RBFOX1: variants seen among roughly 807,000 people sequenced by gnomAD.
The protein encoded by RBFOX1 is RNA binding fox-1 homolog 1, also known as RNA binding protein fox-1 homolog 1.
RBFOX1 carries 8 observed loss-of-function variants against 57.7 expected under a neutral mutation model. The ratio of observed to expected loss-of-function variants is 0.14; its 90% CI spans 0.08 to 0.25. The LOEUF is 0.25. RBFOX1 is among the 10% of genes least tolerant of loss of function. The pLI is 1.00. For missense variants in RBFOX1, 611 were observed against 548.5 expected (o/e 1.11, Z -1.14); for synonymous variants, 326 against 222.4 (o/e 1.47, Z -4.15).
At chr16:6,846,935 G>A (rs568103939) in intron 3 of RBFOX1, among the ~76,000 whole-genome samples, 6 of 152,100 alleles carry the variant, frequency 3.9e-5, no homozygotes, top group Admixed American at 3.3e-4. Context: ...AAAAAAAGAG[G>A]TGATGGCTAC....
chr16:7,266,913 T>G (rs993365842), intron 4 of RBFOX1, among the ~76,000 whole-genome samples: 2 of 151,752 alleles, frequency 1.3e-5, no homozygotes, highest in African/African-American at 4.8e-5. Flanking sequence ...TCCTGGAGGT[T>G]GCTGGGGGGA....
chr16:5,243,830 G>A (rs1283216649), intron 1 of RBFOX1, among the ~76,000 whole-genome samples: 1 of 152,306 alleles, frequency 6.6e-6, no homozygotes, highest in East Asian at 1.9e-4. Context: ...CACTTTCATA[G>A]GAAGGTTATA....
At chr16:5,308,823 ATC>A in intron 1 of RBFOX1, among the ~76,000 whole-genome samples, 1 of 151,320 alleles carries the variant, frequency 6.6e-6, no homozygotes, top group Non-Finnish European at 1.5e-5. Context: ...TTTTCTGGAG[ATC>A]TCTCTCGCAG....
chr16:5,587,090 A>G (rs2046858407), intron 2 of RBFOX1, among the ~76,000 whole-genome samples: 1 of 152,180 alleles, frequency 6.6e-6, no homozygotes, highest in South Asian at 2.1e-4. Context: ...GACATGGCCC[A>G]TTGGTTATGC....
At chr16:6,348,783 C>T (rs1386316873) in intron 2 of RBFOX1, among the ~76,000 whole-genome samples, 1 of 152,090 alleles carries the variant, frequency 6.6e-6, no homozygotes, top group African/African-American at 2.4e-5. Flanking sequence ...GGATCCACAC[C>T]CTTGATCCCA....
Position 6,970,829 on chromosome 16 carries a change from T to C in RBFOX1, c.-15-81228T>C, listed in dbSNP as rs190127073. 3.3e-4 allele frequency among the ~76,000 whole-genome samples: 50 copies of C among 152,258 alleles called. No homozygotes were observed. The East Asian group carries it at 9.3e-3, about 28-fold the overall frequency. On this transcript the variant is annotated intron_variant, in intron 3 of 15. Transcript: ENST00000550418. The stretch of plus-strand genomic sequence containing the variant: ...AAGGAGACTGGCAAAAGTGACTACT[T>C]GGAATATTCAGCATCAATAGAAGAA...
At chr16:7,257,696 C>G (rs1480775171) in intron 4 of RBFOX1, among the ~76,000 whole-genome samples, 1 of 152,136 alleles carries the variant, frequency 6.6e-6, no homozygotes, top group East Asian at 1.9e-4. Context: ...TTCTTTGTGG[C>G]CAGGAAATCT....
intron 3 of RBFOX1, among the ~76,000 whole-genome samples, chr16:5,641,565 G>A (rs1183688646): frequency 6.6e-6 from 1 of 152,202 alleles, no homozygotes; most frequent in African/African-American, 2.4e-5. Flanking sequence ...GAGGCTGCAG[G>A]ATATACCATT....
At chr16:5,274,002 T>A (rs1218549391) in intron 1 of RBFOX1, among the ~76,000 whole-genome samples, 1 of 152,220 alleles carries the variant, frequency 6.6e-6, no homozygotes, top group Non-Finnish European at 1.5e-5. Flanking sequence ...CCGGGTGTGC[T>A]GGAGGAAAAT....
At chr16:6,354,706 T>C (rs754587021) in intron 2 of RBFOX1, among the ~76,000 whole-genome samples, 5 of 152,198 alleles carry the variant, frequency 3.3e-5, no homozygotes, top group African/African-American at 7.2e-5. Flanking sequence ...TTCCTGTACC[T>C]GGAACATTTC....
chr16:6,371,706 A>G (rs1426535597), intron 2 of RBFOX1, among the ~76,000 whole-genome samples: 1 of 152,124 alleles, frequency 6.6e-6, no homozygotes, highest in African/African-American at 2.4e-5. Context: ...TGGCTTCTGG[A>G]CCCTCTAAAT....
At chr16:6,309,102 C>T (rs750990314) in intron 1 of RBFOX1, among the ~76,000 whole-genome samples, 16 of 151,950 alleles carry the variant, frequency 1.1e-4, no homozygotes, top group Non-Finnish European at 1.6e-4. Context: ...CAAACCACTG[C>T]GTTCGCCTGT....
intron 1 of RBFOX1, among the ~76,000 whole-genome samples, chr16:6,169,337 A>G (rs1275267061): frequency 2.0e-5 from 3 of 152,110 alleles, no homozygotes; most frequent in Non-Finnish European, 4.4e-5. Flanking sequence ...GAAAGACGAG[A>G]AGGAGTGGAG....
intron 3 of RBFOX1, among the ~76,000 whole-genome samples, chr16:5,629,298 T>G (rs1055714541): frequency 9.2e-5 from 14 of 152,318 alleles, no homozygotes; most frequent in Non-Finnish European, 2.9e-5. Flanking sequence ...TTAACAACAT[T>G]TAGGGCTCAG....
At chr16:5,451,977 T>C (rs1455599330) in intron 1 of RBFOX1, among the ~76,000 whole-genome samples, 4 of 152,114 alleles carry the variant, frequency 2.6e-5, no homozygotes, top group African/African-American at 7.2e-5. Context: ...CACCATCAAA[T>C]TGAAGATCAA....
intron 4 of RBFOX1, among the ~76,000 whole-genome samples, chr16:5,981,912 C>T (rs1051256386): frequency 2.6e-5 from 4 of 152,202 alleles, no homozygotes; most frequent in Non-Finnish European, 5.9e-5. Flanking sequence ...GGTAAACATC[C>T]CATAGTGCAC....
intron 7 of RBFOX1, among the ~76,000 whole-genome samples, chr16:7,588,447 A>G (rs910296333): frequency 6.6e-6 from 1 of 152,236 alleles, no homozygotes; most frequent in Non-Finnish European, 1.5e-5. Flanking sequence ...CAGGGGGTTA[A>G]CAGGGAGAAT....
At chr16:6,840,927 C>T (rs1567505347) in intron 3 of RBFOX1, among the ~76,000 whole-genome samples, 2 of 146,342 alleles carry the variant, frequency 1.4e-5, no homozygotes, top group Admixed American at 6.9e-5. Flanking sequence ...TGAGAGACCC[C>T]TCACCGCTTT....
At chr16:7,160,527 A>G (rs542116211) in intron 4 of RBFOX1, among the ~76,000 whole-genome samples, 93 of 152,110 alleles carry the variant, frequency 6.1e-4, no homozygotes, top group Middle Eastern at 3.4e-3. Flanking sequence ...ATATTTTTTT[A>G]TTTGTGTCAT....
Sources: gnomAD v4.1 joint callset for allele counts (sites outside exome capture counted in the v4.1 genomes callset) on GRCh38, gnomAD v4.1.1 for gene constraint, MANE v1.5 for transcripts, NCBI Gene and HGNC (gene_info 2026-07-23, HGNC 2026-07-21) for gene names.